The following BSCL2 variants were observed in gnomAD, a reference collection of about 807,000 sequenced individuals.
BSCL2 encodes BSCL2 lipid droplet biogenesis associated, seipin, also known as seipin.
Under a neutral mutation model 57.4 loss-of-function variants are expected in BSCL2, and 41 were observed. The ratio of observed to expected loss-of-function variants is 0.71; its 90% CI spans 0.56 to 0.93. BSCL2 has a LOEUF of 0.93. Among genes scored for constraint, BSCL2 ranks in the 40% least tolerant of loss-of-function variants. BSCL2 has a pLI of 0.00. For synonymous variants in BSCL2, 237 were observed against 227.3 expected (o/e 1.04, Z -0.38); for missense variants, 539 against 586.7 (o/e 0.92, Z 0.84).
chr11:62,705,487 G>A lies in BSCL2; in HGVS notation c.218C>T (p.Ala73Val). 6.2e-7 allele frequency: 1 copy of A among 1,614,202 alleles called. No individual in the cohort carries two copies. Among genetic ancestry groups the A allele is most frequent in the Non-Finnish European group, 8.5e-7 (1 of 1,180,024 alleles). ...PAMVNDPPVPALLWAQEVGQV... is the reference protein window; with the variant it reads ...PAMVNDPPVPVLLWAQEVGQV... ...GCCCACCTCCTGGGCCCACAGTAAG[G>A]CAGGTACTGGAGGGTCGTTGACCAT... The change falls in exon 2 of 11, where the codon GCC (alanine) becomes GTC (valine). Residue 73 changes from alanine to valine, a missense_variant. Physicochemically the swap from Ala to Val is moderately conservative, Grantham distance 64. Transcript: ENST00000360796.
At chr11:62,708,074 G>A (rs1590888387), upstream of BSCL2, 45 of 585,486 alleles carry the variant, frequency 7.7e-5, 4 homozygotes, top group South Asian at 8.9e-4. Flanking sequence ...TTAATGATCT[G>A]TGGCCCAGGC....
chr11:62,703,164 AG>A (rs1199852142), intron 2 of BSCL2, among the ~76,000 whole-genome samples: 1 of 137,672 alleles, frequency 7.3e-6, no homozygotes, highest in African/African-American at 2.6e-5. Context: ...AAAAAAAAAA[AG>A]GAAATTCCAG....
At chr11:62,704,998 T>C (rs1027369486) in intron 2 of BSCL2, among the ~76,000 whole-genome samples, 1 of 152,114 alleles carries the variant, frequency 6.6e-6, no homozygotes, top group African/African-American at 2.4e-5. Context: ...GGCTCAAAAT[T>C]CTACATTGGC....
In BSCL2 at chr11:62,706,402, G is replaced by A. The variant is rs989052559; in HGVS notation, c.87+707C>T. 24 of 733,572 alleles carry A rather than the reference G, an allele frequency of 3.3e-5. No individual in the cohort carries two copies. The Admixed American group carries it at 9.6e-4, about 29-fold the overall frequency. 45.4% of individuals were successfully genotyped at this position (733,572 alleles called of 1,614,324 possible). A position where few individuals can be genotyped will look rare whatever the true frequency, so the allele number is the denominator to read the frequency against. On this transcript the variant is annotated intron_variant, in intron 1 of 10. Transcript: ENST00000360796. Reference sequence around the variant, plus strand: ...GGTCCAGCACGGCGGGGCGGGGCGGGACGGGGCGGAGCCTTCCCGAGCTGC... The same window carrying A: ...GGTCCAGCACGGCGGGGCGGGGCGGAACGGGGCGGAGCCTTCCCGAGCTGC...
At position 62,700,286 on chromosome 11, in the gene BSCL2, C is replaced by T. The variant is rs149743826; in HGVS notation, c.486+2182G>A. The stretch of plus-strand genomic sequence containing the variant: ...ACCCCAGACTCTATAGGTTATACTC[C>T]TCCCTTCAAAAGTGTGACATTCTAT... On this transcript the variant is annotated intron_variant, in intron 3 of 10. Coordinates refer to ENST00000360796, the MANE Select transcript of BSCL2 (RefSeq NM_001122955.4). 3.7e-3 allele frequency among the ~76,000 whole-genome samples: 564 copies of T among 151,996 alleles called. 3 individuals carry two copies. Among genetic ancestry groups the T allele is most frequent in the African/African-American group, 0.013 (526 of 41,468 alleles).
upstream of BSCL2, chr11:62,708,403 G>A: frequency 6.3e-7 from 1 of 1,593,894 alleles, no homozygotes; most frequent in Non-Finnish European, 8.6e-7. Flanking sequence ...AGGTAGGTGG[G>A]ACCCTGGCTG....
intron 2 of BSCL2, among the ~76,000 whole-genome samples, chr11:62,705,075 CTTTTTTTT>C (rs566098807): frequency 1.5e-5 from 2 of 133,020 alleles, no homozygotes; most frequent in African/African-American, 2.8e-5. Context: ...GATATTTTTC[CTTTTTTTT>C]TTTTTTTTTT....
upstream of BSCL2, chr11:62,709,205 C>T (rs1358401995): frequency 2.2e-6 from 1 of 456,730 alleles, no homozygotes; most frequent in Admixed American, 2.3e-5. Flanking sequence ...AGCCTCAGGA[C>T]AGCTCCTGTG....
At chr11:62,700,420 C>A (rs1945602583) in intron 3 of BSCL2, among the ~76,000 whole-genome samples, 1 of 152,052 alleles carries the variant, frequency 6.6e-6, no homozygotes, top group Non-Finnish European at 1.5e-5. Context: ...GTGGGCAGAT[C>A]ACCTGAGATC....
Position 62,707,367 on chromosome 11 carries a change from A to T in BSCL2, c.-172T>A. The T allele has an allele frequency of 1.4e-6, 1 of 724,688 alleles. No homozygotes were observed. The highest frequency in any genetic ancestry group is 2.5e-6 in the Non-Finnish European group (1 of 404,418). The allele number at this position is 724,688 out of a possible 1,614,324, so 44.9% of individuals were successfully genotyped here. A position where few individuals can be genotyped will look rare whatever the true frequency, so the allele number is the denominator to read the frequency against. On this transcript the variant is annotated 5_prime_UTR_variant, in exon 1 of 11. Coordinates refer to ENST00000360796, the MANE Select transcript of BSCL2 (RefSeq NM_001122955.4). ...ATTCAGGTGCTAAGTGCTGTGTCAG[A>T]GTAGAGGGAGGAAAGGAGGAGGGGG...
chr11:62,692,067 A>T (rs1389632015), intron 6 of BSCL2, among the ~76,000 whole-genome samples: 1 of 151,956 alleles, frequency 6.6e-6, no homozygotes, highest in African/African-American at 2.4e-5. Context: ...AAAAAAAAAA[A>T]AAAATTCTGC....
In BSCL2 at chr11:62,690,867, C is replaced by G. The variant is rs1000536287; in HGVS notation, c.1073G>C (p.Gly358Ala). 6.2e-7 allele frequency: 1 copy of G among 1,613,314 alleles called. No homozygotes were observed. The highest frequency in any genetic ancestry group is 1.3e-5 in the African/African-American group (1 of 74,936). ...VQRRISAHQP[G>A]PEGQEESTPQ... ...AGTTGACTCCTCCTGGCCTTCAGGC[C>G]CTGCACCTCCAAAGAGGGAGAGGAC... Residue 358 changes from glycine to alanine, a missense_variant and splice_region_variant, in exon 9 of 11, where the codon GGG becomes GCG. By Grantham distance (60) the Gly-to-Ala change is moderately conservative (BLOSUM62 0). Transcript: ENST00000360796.
intron 1 of BSCL2, chr11:62,706,491 G>A: frequency 2.5e-6 from 1 of 402,910 alleles, no homozygotes; most frequent in African/African-American, 2.1e-5. Flanking sequence ...TCCGGTTACC[G>A]TGACCAAAGG....
chr11:62,708,069 G>A, upstream of BSCL2: 5 of 579,546 alleles, frequency 8.6e-6, no homozygotes, highest in Non-Finnish European at 1.5e-5. Flanking sequence ...AAGGTTTAAT[G>A]ATCTGTGGCC....
At chr11:62,691,819 G>A (rs2134693382) in intron 6 of BSCL2, among the ~76,000 whole-genome samples, 1 of 152,260 alleles carries the variant, frequency 6.6e-6, no homozygotes, top group South Asian at 2.1e-4. Context: ...GGGAGGCCAA[G>A]GTGGACGGAT....
At chr11:62,705,652 T>C (rs2083517691) in intron 1 of BSCL2, 35 bp from the exon 2 acceptor site, 1 of 1,472,712 alleles carries the variant, frequency 6.8e-7, no homozygotes. Context: ...GAGTGACTCC[T>C]TTCCCCAGGG....
rs748195771 is a variant in BSCL2 at position 62,691,352 on chromosome 11, G to A, written c.933C>T (p.Ser311=). ...IGVASNFTFL[S]VIVLFSYMQW... ...GCATGTAGCTGAAGAGCACGATGAC[G>A]CTGAGGAAGGTGAAGTTGCTGGCAA... The change falls in exon 7 of 11, where the codon AGC becomes AGT. Residue 311 remains serine (S), a synonymous_variant. Transcript: ENST00000360796. 8.7e-6 allele frequency: 14 copies of A among 1,614,190 alleles called. No homozygotes were observed. In the East Asian group the frequency reaches 1.1e-4, roughly 13 times the overall value.
Position 62,692,914 on chromosome 11 carries a change from G to A in BSCL2, c.631-117C>T, listed in dbSNP as rs1369422546. On this transcript the variant is annotated intron_variant, in intron 4 of 10. Coordinates refer to ENST00000360796, the MANE Select transcript of BSCL2 (RefSeq NM_001122955.4). ...AAGGCGGCTTCTTCCTCAGGTCCCT[G>A]GCTGCCTCACCTTCACTTCCTACCC... 3.7e-6 allele frequency: 5 copies of A among 1,363,726 alleles called. No individual in the cohort carries two copies. The African/African-American group carries it at 7.1e-5, about 19-fold the overall frequency. The allele number at this position is 1,363,726 out of a possible 1,614,324, so 84.5% of individuals were successfully genotyped here.
At chr11:62,694,743 A>C (rs905283494) in intron 3 of BSCL2, 32 bp from the exon 4 acceptor site, 2 of 1,609,364 alleles carry the variant, frequency 1.2e-6, no homozygotes, top group Non-Finnish European at 1.7e-6. Context: ...TCTTTAAAAA[A>C]ATTTTTTTGT....
Sources: allele counts gnomAD v4.1 joint callset (sites outside exome capture counted in the v4.1 genomes callset), GRCh38; gene constraint gnomAD v4.1.1; transcripts MANE v1.5; gene names NCBI Gene and HGNC (gene_info 2026-07-23, HGNC 2026-07-21).